The following RBFOX1 variants were observed in gnomAD, a reference collection of about 807,000 sequenced individuals.
RBFOX1 encodes the protein RNA binding protein fox-1 homolog 1.
A neutral mutation model predicts 57.7 loss-of-function variants in RBFOX1; 8 were observed. That is an observed-to-expected ratio of 0.14 (90% CI 0.08 to 0.25). RBFOX1 has a LOEUF of 0.25. RBFOX1 is among the 10% of genes least tolerant of loss of function. The pLI, the probability that RBFOX1 is intolerant of heterozygous loss-of-function variation, is 1.00. For missense variants in RBFOX1, 611 were observed against 548.5 expected (o/e 1.11, Z -1.14); for synonymous variants, 326 against 222.4 (o/e 1.47, Z -4.15).
At chr16:5,760,399 C>G (rs2053551866) in intron 3 of RBFOX1, among the ~76,000 whole-genome samples, 1 of 152,140 alleles carries the variant, frequency 6.6e-6, no homozygotes, top group Non-Finnish European at 1.5e-5. Flanking sequence ...TACATACACA[C>G]ACACATACAT....
intron 2 of RBFOX1, among the ~76,000 whole-genome samples, chr16:6,458,847 T>C (rs1488659277): frequency 6.6e-6 from 1 of 152,232 alleles, no homozygotes; most frequent in Non-Finnish European, 1.5e-5. Flanking sequence ...CTTGCAATAC[T>C]TGATTCCAGT....
intron 3 of RBFOX1, among the ~76,000 whole-genome samples, chr16:6,951,011 T>C (rs1458052345): frequency 6.6e-6 from 1 of 152,028 alleles, no homozygotes; most frequent in Non-Finnish European, 1.5e-5. Context: ...GCTCCAGCGA[T>C]CCTCCCACCT....
intron 3 of RBFOX1, among the ~76,000 whole-genome samples, chr16:6,985,070 T>G: frequency 7.4e-6 from 1 of 135,822 alleles, no homozygotes; most frequent in East Asian, 2.4e-4. Flanking sequence ...TGGATTTCAT[T>G]TCTCAAGATT....
At chr16:6,811,630 C>G (rs2088617684) in intron 3 of RBFOX1, among the ~76,000 whole-genome samples, 1 of 152,134 alleles carries the variant, frequency 6.6e-6, no homozygotes, top group Admixed American at 6.5e-5. Context: ...TGCCTCAGGT[C>G]TGTAATCCTA....
At chr16:6,319,878 G>A (rs573758453) in intron 2 of RBFOX1, among the ~76,000 whole-genome samples, 1 of 152,188 alleles carries the variant, frequency 6.6e-6, no homozygotes, top group East Asian at 1.9e-4. Flanking sequence ...AAATCCCATG[G>A]CATGCTGCAT....
At chr16:5,444,505 G>C (rs2068181904) in intron 1 of RBFOX1, among the ~76,000 whole-genome samples, 2 of 152,208 alleles carry the variant, frequency 1.3e-5, no homozygotes, top group African/African-American at 4.8e-5. Flanking sequence ...GCAGACGTCA[G>C]CTCTGCGGAA....
At chr16:7,038,666 C>T (rs1234771361) in intron 3 of RBFOX1, among the ~76,000 whole-genome samples, 2 of 152,080 alleles carry the variant, frequency 1.3e-5, no homozygotes, top group African/African-American at 2.4e-5. Flanking sequence ...GTGAACAACT[C>T]CACGAGACTG....
intron 2 of RBFOX1, among the ~76,000 whole-genome samples, chr16:5,592,571 C>T (rs2047045369): frequency 1.3e-5 from 2 of 152,128 alleles, no homozygotes; most frequent in South Asian, 4.1e-4. Context: ...CTCCCACCAC[C>T]ATGCCTGGCT....
chr16:6,588,271 A>G (rs2097659420), intron 2 of RBFOX1, among the ~76,000 whole-genome samples: 1 of 152,024 alleles, frequency 6.6e-6, no homozygotes, highest in African/African-American at 2.4e-5. Context: ...TACAGCCACA[A>G]AACAATTCTT....
chr16:5,840,189 A>G (rs1228305768), intron 3 of RBFOX1, among the ~76,000 whole-genome samples: 1 of 152,178 alleles, frequency 6.6e-6, no homozygotes, highest in Non-Finnish European at 1.5e-5. Flanking sequence ...TGAGTCACAA[A>G]CCCAGTGACA....
At chr16:6,762,965 T>A (rs1386982103) in intron 3 of RBFOX1, among the ~76,000 whole-genome samples, 2 of 152,112 alleles carry the variant, frequency 1.3e-5, no homozygotes, top group South Asian at 4.1e-4. Flanking sequence ...CAAATGAAGA[T>A]AGAGGAATAC....
intron 4 of RBFOX1, among the ~76,000 whole-genome samples, chr16:7,083,258 C>A (rs145557350): frequency 6.6e-6 from 1 of 151,906 alleles, no homozygotes; most frequent in Non-Finnish European, 1.5e-5. Context: ...TAACACCTCC[C>A]ACACTTGATT....
At chr16:7,590,774 A>C (rs6500993) in intron 7 of RBFOX1, among the ~76,000 whole-genome samples, 2 of 150,756 alleles carry the variant, frequency 1.3e-5, no homozygotes, top group African/African-American at 4.9e-5. Context: ...CAGGAGAATC[A>C]CTTGAACCCG....
intron 2 of RBFOX1, among the ~76,000 whole-genome samples, chr16:6,450,827 A>ATGTATATACATATGTATATATG (rs1272807125): frequency 2.8e-5 from 1 of 35,830 alleles, no homozygotes; most frequent in Non-Finnish European, 4.8e-5. Flanking sequence ...ACATATATAT[A>ATGTATATACATATGTATATATG]TATATATATG....
At chr16:7,004,303 C>G (rs141772978) in intron 3 of RBFOX1, among the ~76,000 whole-genome samples, 1 of 152,094 alleles carries the variant, frequency 6.6e-6, no homozygotes, top group Non-Finnish European at 1.5e-5. Context: ...TAACTCCATT[C>G]GGATACCTAA....
rs909482981 is a variant in RBFOX1, at chr16:7,047,646, C to G, written c.-15-4411C>G. Among the ~76,000 whole-genome samples, 7 of 139,550 alleles carry G rather than the reference C, an allele frequency of 5.0e-5. No homozygotes were observed. In the Admixed American group the frequency reaches 5.0e-4, roughly 10 times the overall value. The allele number at this position is 139,550 out of a possible 152,430, so 91.6% of individuals were successfully genotyped here. A position where few individuals can be genotyped will look rare whatever the true frequency, so the allele number is the denominator to read the frequency against. ...TTTTTTTTGCAGTGAACTCTTTATC[C>G]TTATATTCTAGAATTTCAGTAACAT... On this transcript the variant is annotated intron_variant, in intron 3 of 15. Transcript: ENST00000550418.
intron 1 of RBFOX1, among the ~76,000 whole-genome samples, chr16:6,048,139 A>G (rs1055150967): frequency 2.0e-5 from 3 of 152,162 alleles, no homozygotes; most frequent in African/African-American, 7.2e-5. Context: ...ATTTGATTTA[A>G]TCTATATAAC....
At chr16:6,894,145 C>G (rs1040244912) in intron 3 of RBFOX1, among the ~76,000 whole-genome samples, 1 of 152,182 alleles carries the variant, frequency 6.6e-6, no homozygotes, top group Non-Finnish European at 1.5e-5. Context: ...ATAGAATGAT[C>G]TATAATTGCT....
chr16:6,388,324 T>C (rs1051577813), intron 2 of RBFOX1, among the ~76,000 whole-genome samples: 3 of 152,068 alleles, frequency 2.0e-5, no homozygotes, highest in African/African-American at 7.2e-5. Context: ...TGAAGCTGTT[T>C]GCAGCCATTT....
Sources: gnomAD v4.1 joint callset for allele counts (sites outside exome capture counted in the v4.1 genomes callset) on GRCh38, gnomAD v4.1.1 for gene constraint, MANE v1.5 for transcripts, NCBI Gene and HGNC (gene_info 2026-07-23, HGNC 2026-07-21) for gene names.